The following ROR2 variants were observed in gnomAD, a reference collection of about 807,000 sequenced individuals.
ROR2 encodes the protein tyrosine-protein kinase transmembrane receptor ROR2.
In ROR2, 33 loss-of-function variants were observed where a neutral mutation model predicts 74.9. The ratio of observed to expected loss-of-function variants is 0.44; its 90% CI spans 0.33 to 0.59. The LOEUF (loss-of-function observed/expected upper bound fraction) is 0.59. ROR2 is among the 20% of genes least tolerant of loss of function. ROR2 has a pLI of 0.02. For missense variants in ROR2, 1,216 were observed against 1,313.8 expected (o/e 0.93, Z 1.15); for synonymous variants, 586 against 558.7 (o/e 1.05, Z -0.69).
intron 1 of ROR2, among the ~76,000 whole-genome samples, chr9:91,916,932 G>C (rs1003309343): frequency 6.6e-6 from 1 of 152,012 alleles, no homozygotes; most frequent in South Asian, 2.1e-4. Flanking sequence ...TCCCATGCTG[G>C]AGTGGAAAAT....
chr9:91,855,583 G>A (rs996253517), intron 1 of ROR2, among the ~76,000 whole-genome samples: 5 of 152,076 alleles, frequency 3.3e-5, no homozygotes, highest in South Asian at 4.1e-4. Flanking sequence ...GCATCTTAGA[G>A]AAGGAAGGGA....
At chr9:91,810,824 C>T (rs1827726996) in intron 1 of ROR2, among the ~76,000 whole-genome samples, 1 of 152,180 alleles carries the variant, frequency 6.6e-6, no homozygotes. Context: ...GAATGCGGCC[C>T]TAATTAGGAC....
intron 1 of ROR2, among the ~76,000 whole-genome samples, chr9:91,874,110 G>A (rs1002096571): frequency 1.3e-5 from 2 of 152,198 alleles, no homozygotes; most frequent in African/African-American, 4.8e-5. Flanking sequence ...GAAGGGGGCT[G>A]ACGAAGCCTC....
At chr9:91,851,183 T>G (rs1421553778) in intron 1 of ROR2, among the ~76,000 whole-genome samples, 1 of 151,940 alleles carries the variant, frequency 6.6e-6, no homozygotes, top group Non-Finnish European at 1.5e-5. Context: ...AAACTCCATC[T>G]CTACTAAAAA....
At position 91,835,006 on chromosome 9, in the gene ROR2, G is replaced by A. The variant is rs565299627; in HGVS notation, c.98-59188C>T. ...TGTCTCTGGGCACAAACGTCACTGTGGGTGGGTGGGCCAGGGATGAGGAGC... is the reference window on the plus strand; with the variant it reads ...TGTCTCTGGGCACAAACGTCACTGTAGGTGGGTGGGCCAGGGATGAGGAGC... On this transcript the variant is annotated intron_variant, in intron 1 of 8. Coordinates refer to ENST00000375708, the MANE Select transcript of ROR2 (RefSeq NM_004560.4). Among the ~76,000 whole-genome samples the A allele has an allele frequency of 8.5e-5, 13 of 152,306 alleles. No homozygotes were observed. The South Asian group carries it at 2.3e-3, about 27-fold the overall frequency.
intron 1 of ROR2, among the ~76,000 whole-genome samples, chr9:91,879,118 A>G (rs1048796059): frequency 2.6e-5 from 4 of 152,150 alleles, no homozygotes; most frequent in African/African-American, 9.7e-5. Context: ...CCCAAAAGCC[A>G]CAGAAATTGG....
chr9:91,864,274 C>T (rs1829561701), intron 1 of ROR2, among the ~76,000 whole-genome samples: 1 of 152,148 alleles, frequency 6.6e-6, no homozygotes, highest in Admixed American at 6.5e-5. Flanking sequence ...TGTTTCCATC[C>T]ACCTATCAGT....
intron 1 of ROR2, among the ~76,000 whole-genome samples, chr9:91,874,361 C>T (rs1027078475): frequency 3.3e-5 from 5 of 152,192 alleles, no homozygotes; most frequent in African/African-American, 1.2e-4. Flanking sequence ...GCTCACAAAC[C>T]TGCTTAGGCC....
At chr9:91,760,083 C>G (rs1353455415) in intron 2 of ROR2, among the ~76,000 whole-genome samples, 1 of 152,238 alleles carries the variant, frequency 6.6e-6, no homozygotes, top group Non-Finnish European at 1.5e-5. Flanking sequence ...GTCCCTTGCT[C>G]TCTCCAAAGC....
chr9:91,862,905 A>G (rs1829514505), intron 1 of ROR2, among the ~76,000 whole-genome samples: 1 of 152,260 alleles, frequency 6.6e-6, no homozygotes, highest in Non-Finnish European at 1.5e-5. Flanking sequence ...CTGTCAAAAT[A>G]TGGACCTGAA....
At chr9:91,755,963 C>G (rs1271234464) in intron 4 of ROR2, 108 bp downstream of exon 4, 14 of 1,231,336 alleles carry the variant, frequency 1.1e-5, no homozygotes, top group Non-Finnish European at 1.7e-5. Context: ...CAGCCAACTT[C>G]TAGCAAATTC....
chr9:91,826,074 G>C (rs781603292), intron 1 of ROR2, among the ~76,000 whole-genome samples: 3 of 152,162 alleles, frequency 2.0e-5, no homozygotes, highest in Non-Finnish European at 4.4e-5. Flanking sequence ...TACGTATCCT[G>C]TGGTTTTGTA....
chr9:91,941,756 G>A (rs1460133033), intron 1 of ROR2, among the ~76,000 whole-genome samples: 3 of 59,424 alleles, frequency 5.0e-5, no homozygotes, highest in African/African-American at 1.3e-4. Context: ...TCCCCACCCC[G>A]CCCAGCCCCG....
chr9:91,896,387 A>G (rs994844123), intron 1 of ROR2, among the ~76,000 whole-genome samples: 11 of 152,216 alleles, frequency 7.2e-5, no homozygotes, highest in African/African-American at 2.7e-4. Context: ...TTTAAAAACA[A>G]CAGAATTAAT....
At chr9:91,894,983 C>T (rs1171013319) in intron 1 of ROR2, among the ~76,000 whole-genome samples, 1 of 152,226 alleles carries the variant, frequency 6.6e-6, no homozygotes, top group East Asian at 1.9e-4. Flanking sequence ...AGGATATTTA[C>T]AGCAGCTTCA....
intron 1 of ROR2, among the ~76,000 whole-genome samples, chr9:91,847,195 T>C (rs1828958528): frequency 6.6e-6 from 1 of 152,116 alleles, no homozygotes. Context: ...CTTTAAGGCA[T>C]CAGTATGTGC....
chr9:91,810,180 C>G (rs1320754689), intron 1 of ROR2, among the ~76,000 whole-genome samples: 1 of 152,232 alleles, frequency 6.6e-6, no homozygotes, highest in Non-Finnish European at 1.5e-5. Context: ...ACGGTGGCGA[C>G]AGAATCAGAA....
rs547655594 is a variant in ROR2 at position 91,752,438 on chromosome 9, TG to T, written c.494+3632del. On this transcript the variant is annotated intron_variant, in intron 4 of 8. Transcript: ENST00000375708. ...CCTACTGATACATGTACAACACAGATGAATCTCAAAAGCACTATGCTAAAAG... is the reference window on the plus strand; with the variant it reads ...CCTACTGATACATGTACAACACAGATAATCTCAAAAGCACTATGCTAAAAG... Among the ~76,000 whole-genome samples the T allele has an allele frequency of 7.9e-5, 12 of 152,340 alleles. No individual in the cohort carries two copies. The South Asian group carries it at 2.5e-3, about 32-fold the overall frequency.
At chr9:91,747,752 G>A (rs757607043) in intron 4 of ROR2, among the ~76,000 whole-genome samples, 11 of 152,234 alleles carry the variant, frequency 7.2e-5, no homozygotes, top group Admixed American at 2.6e-4. Flanking sequence ...ACGGTGGGGC[G>A]GGGGAGGAGT....
Sources: gnomAD v4.1 joint callset for allele counts (sites outside exome capture counted in the v4.1 genomes callset) on GRCh38, gnomAD v4.1.1 for gene constraint, MANE v1.5 for transcripts, NCBI Gene and HGNC (gene_info 2026-07-23, HGNC 2026-07-21) for gene names.